WDR64: variants seen among roughly 807,000 people sequenced by gnomAD.
WDR64 encodes the protein WD repeat-containing protein 64.
A neutral mutation model predicts 139.3 loss-of-function variants in WDR64; 112 were observed. That is an observed-to-expected ratio of 0.80 (90% CI 0.69 to 0.94). The LOEUF (loss-of-function observed/expected upper bound fraction) is 0.94. WDR64 is among the 40% of genes least tolerant of loss of function. The probability of loss-of-function intolerance (pLI) is 0.00; values close to 1 mark genes in which losing one functional copy is unlikely to be tolerated. For synonymous variants in WDR64, 444 were observed against 437.7 expected, an observed-to-expected ratio of 1.01 and a Z score of -0.18; for missense variants, 1,206 against 1,293.1, an observed-to-expected ratio of 0.93 and a Z score of 1.03.
intron 9 of WDR64, among the ~76,000 whole-genome samples, chr1:241,719,010 G>A (rs988491564): frequency 6.6e-6 from 1 of 152,056 alleles, no homozygotes; most frequent in Non-Finnish European, 1.5e-5. Context: ...TATAAATTTG[G>A]GAGGGAATGA....
In WDR64 at chr1:241,671,102, A is replaced by T. The variant is rs1231314485; in HGVS notation, c.305A>T (p.Asp102Val). Residue 102 changes from aspartate (D) to valine (V), a missense_variant, in exon 3 of 28, where the codon GAT becomes GTT. By Grantham distance (152) the Asp-to-Val change is radical. Coordinates refer to ENST00000437684, the MANE Select transcript of WDR64 (RefSeq NM_001367482.1). ...EIFGYFSSEEDPIASQLDEEN... is the reference protein window; with the variant it reads ...EIFGYFSSEEVPIASQLDEEN... ...TTTGGATACTTCTCCTCTGAAGAAG[A>T]TCCTATTGCTTCCCAGTTGGATGAA... 7 of 1,550,746 alleles carry T rather than the reference A, an allele frequency of 4.5e-6. No individual in the cohort carries two copies. The highest frequency in any genetic ancestry group is 1.4e-5 in the African/African-American group (1 of 73,026).
intron 18 of WDR64, among the ~76,000 whole-genome samples, 189 bp downstream of exon 18, chr1:241,770,879 TTA>T (rs978037925): frequency 6.6e-6 from 1 of 152,234 alleles, no homozygotes; most frequent in Non-Finnish European, 1.5e-5. Flanking sequence ...TTTTTCAATT[TTA>T]TATATTTTTC....
intron 10 of WDR64, among the ~76,000 whole-genome samples, chr1:241,728,086 A>G (rs1362563338): frequency 6.6e-6 from 1 of 152,128 alleles, no homozygotes; most frequent in Non-Finnish European, 1.5e-5. Context: ...TAATCCCAGC[A>G]CTTTGGGAGG....
In WDR64 at chr1:241,652,575, C is replaced by T. The variant is rs1002710337; in HGVS notation, c.91C>T (p.Gln31Ter). Residue 31 changes from glutamine to a stop codon, truncating the protein, a stop_gained, in exon 1 of 28, where the codon CAA (glutamine) becomes TAA (stop). Coordinates refer to ENST00000437684, the MANE Select transcript of WDR64 (RefSeq NM_001367482.1). LOFTEE classifies it high-confidence loss of function. The part of the protein sequence containing the change: ...ALNRFEKLVE[Q>*]TAAQKRDERA... ...GAACAGGTTTGAAAAATTGGTTGAA[C>T]AAACAGCAGCCCAGAAAAGAGATGA... 11 of 1,551,840 alleles carry T rather than the reference C, an allele frequency of 7.1e-6. No homozygotes were observed. The highest frequency in any genetic ancestry group is 8.7e-6 in the Non-Finnish European group (10 of 1,147,012).
In WDR64 at chr1:241,656,389, C is replaced by T. The variant is rs1558456403; in HGVS notation, c.145+3760C>T. ...AATGCTCTTAGATCTTGTGAGTGACCTGGGGGAATTAATTTTATCCCAGGA... is the reference window on the plus strand; with the variant it reads ...AATGCTCTTAGATCTTGTGAGTGACTTGGGGGAATTAATTTTATCCCAGGA... On this transcript the variant is annotated intron_variant, in intron 1 of 27. Coordinates refer to ENST00000437684, the MANE Select transcript of WDR64 (RefSeq NM_001367482.1). The surrounding 1 kb of genome is among the most constrained non-coding windows in gnomAD (Gnocchi z 4.3). Among the ~76,000 whole-genome samples, 1 of 152,048 alleles carries T rather than the reference C, an allele frequency of 6.6e-6. No individual in the cohort carries two copies. The highest frequency in any genetic ancestry group is 1.5e-5 in the Non-Finnish European group (1 of 68,012).
chr1:241,776,593 T>C lies in WDR64; in HGVS notation c.2536+1383T>C, dbSNP rs75226938. ...TTTTACATTAGGATATTCTTATACT[T>C]CTGATTTTCGCTTATCTATCAATCT... On this transcript the variant is annotated intron_variant, in intron 21 of 27. Coordinates refer to ENST00000437684, the MANE Select transcript of WDR64 (RefSeq NM_001367482.1). Among the ~76,000 whole-genome samples the C allele has an allele frequency of 4.5e-3, 679 of 152,326 alleles. 1 individual carries two copies. The highest frequency in any genetic ancestry group is 0.015 in the South Asian group (71 of 4,830).
chr1:241,659,837 A>G (rs1265387110), intron 1 of WDR64, among the ~76,000 whole-genome samples: 1 of 151,768 alleles, frequency 6.6e-6, no homozygotes, highest in Non-Finnish European at 1.5e-5. Flanking sequence ...GATTGCAAAA[A>G]TTTTCTCCCT....
chr1:241,784,976 A>AAAAAAAAAAAAAAAAAAAAAG lies in WDR64; in HGVS notation c.2705+1595_2705+1596insAAAAAAAAAAAAAAAAAAAAG, dbSNP rs138513526. On this transcript the variant is annotated intron_variant, in intron 23 of 27. Coordinates refer to ENST00000437684, the MANE Select transcript of WDR64 (RefSeq NM_001367482.1). ...CTGAAAAAAAAAAAAAAAAAAAAAA[A>AAAAAAAAAAAAAAAAAAAAAG]GAAAGGACATCTGCTGTTTTATTTG... 1.4e-3 allele frequency among the ~76,000 whole-genome samples: 142 copies of AAAAAAAAAAAAAAAAAAAAAG among 98,440 alleles called. 22 individuals are homozygous for AAAAAAAAAAAAAAAAAAAAAG. The highest frequency in any genetic ancestry group is 1.8e-3 in the South Asian group (5 of 2,744). The allele number at this position is 98,440 out of a possible 152,430, so 64.6% of individuals were successfully genotyped here.
At chr1:241,697,835 T>G (rs1452901633) in intron 8 of WDR64, among the ~76,000 whole-genome samples, 1 of 152,216 alleles carries the variant, frequency 6.6e-6, no homozygotes, top group Non-Finnish European at 1.5e-5. Flanking sequence ...ACATTCAGCC[T>G]TACTGATCTC....
At chr1:241,690,139 C>A (rs370100215) in intron 8 of WDR64, among the ~76,000 whole-genome samples, 4 of 152,074 alleles carry the variant, frequency 2.6e-5, no homozygotes, top group East Asian at 1.9e-4. Context: ...AATAACTATA[C>A]CTAGGCATAT....
intron 2 of WDR64, among the ~76,000 whole-genome samples, chr1:241,668,689 T>C (rs1438904102): frequency 1.3e-5 from 2 of 152,022 alleles, no homozygotes; most frequent in Non-Finnish European, 2.9e-5. Context: ...GGTGGGCAGA[T>C]CACAGGGTCA....
intron 23 of WDR64, among the ~76,000 whole-genome samples, chr1:241,784,325 C>A (rs530978381): frequency 6.6e-6 from 1 of 152,212 alleles, no homozygotes; most frequent in African/African-American, 2.4e-5. Context: ...GCAAAGAGAC[C>A]GGTTTGAAGT....
At chr1:241,784,573 A>G (rs1658962948) in intron 23 of WDR64, among the ~76,000 whole-genome samples, 1 of 152,194 alleles carries the variant, frequency 6.6e-6, no homozygotes, top group Non-Finnish European at 1.5e-5. Context: ...GTGGAAGGAT[A>G]AAGAGCTTTA....
rs368510410 is a variant in WDR64 at position 241,711,756 on chromosome 1, G to C, written c.975-46G>C. The stretch of plus-strand genomic sequence containing the variant: ...TCTATTTATAAGTCAGAATTAACTT[G>C]ATAAAGAAAAATATATATGTTTTCC... On this transcript the variant is annotated intron_variant, in intron 8 of 27. Coordinates refer to ENST00000437684, the MANE Select transcript of WDR64 (RefSeq NM_001367482.1). The C allele has an allele frequency of 3.3e-5, 53 of 1,587,220 alleles. No individual in the cohort carries two copies. The African/African-American group carries it at 6.7e-4, about 20-fold the overall frequency.
chr1:241,655,117 G>T (rs1169010540), intron 1 of WDR64, among the ~76,000 whole-genome samples: 1 of 152,150 alleles, frequency 6.6e-6, no homozygotes, highest in Non-Finnish European at 1.5e-5. Context: ...AGGCGCGGTG[G>T]CTCACGCCTA....
chr1:241,726,047 T>TTA (rs201316508), intron 10 of WDR64, among the ~76,000 whole-genome samples: 5 of 124,416 alleles, frequency 4.0e-5, no homozygotes, highest in Non-Finnish European at 7.4e-5. Context: ...GAGCTCTCTT[T>TTA]TTTTTTTTTT....
chr1:241,744,360 C>G, intron 12 of WDR64, 33 bp from the exon 13 acceptor site: 1 of 1,611,178 alleles, frequency 6.2e-7, no homozygotes, highest in Non-Finnish European at 8.5e-7. Context: ...CTTCTTCAAA[C>G]GGATTACTTG....
At chr1:241,702,677 T>A (rs11586891) in intron 8 of WDR64, among the ~76,000 whole-genome samples, 19,422 of 152,202 alleles carry the variant, frequency 0.13, 1,622 homozygotes, top group East Asian at 0.32. Flanking sequence ...CCTGTTTTTA[T>A]AACATCTGCA....
chr1:241,742,883 T>G (rs994911842), intron 12 of WDR64, among the ~76,000 whole-genome samples: 2 of 152,280 alleles, frequency 1.3e-5, no homozygotes, highest in East Asian at 3.9e-4. Flanking sequence ...TTACGGCCAC[T>G]GAAGTCATCC....
Sources: gnomAD v4.1 joint callset for allele counts (sites outside exome capture counted in the v4.1 genomes callset) on GRCh38, gnomAD v4.1.1 for gene constraint, Gnocchi (gnomAD v3.1) non-coding constraint, MANE v1.5 for transcripts, NCBI Gene and HGNC (gene_info 2026-07-23, HGNC 2026-07-21) for gene names.